LEMD1: variants seen among roughly 807,000 people sequenced by gnomAD.
The protein encoded by LEMD1 is LEM domain-containing protein 1.
A neutral mutation model predicts 17.4 loss-of-function variants in LEMD1; 18 were observed. That is an observed-to-expected ratio of 1.04 (90% CI 0.72 to 1.54). LEMD1 has a LOEUF of 1.54. Among genes scored for constraint, LEMD1 ranks in the 40% most tolerant of loss-of-function variants. The pLI is 0.00. For synonymous variants in LEMD1, 88 were observed against 77.8 expected (o/e 1.13, Z -0.69); for missense variants, 195 against 210.4 (o/e 0.93, Z 0.45).
intron 4 of LEMD1, among the ~76,000 whole-genome samples, chr1:205,391,578 A>G (rs1349203563): frequency 1.3e-5 from 2 of 152,160 alleles, no homozygotes; most frequent in East Asian, 3.9e-4. Flanking sequence ...AGAAGCCTGG[A>G]CTTTCACCTC....
At chr1:205,392,229 T>G (rs1664377481) in intron 4 of LEMD1, among the ~76,000 whole-genome samples, 1 of 152,158 alleles carries the variant, frequency 6.6e-6, no homozygotes, top group Non-Finnish European at 1.5e-5. Flanking sequence ...GCAGCTGTCA[T>G]AAAATGTTTC....
At chr1:205,447,795 C>T (rs1419292273) in intron 1 of LEMD1, among the ~76,000 whole-genome samples, 1 of 152,180 alleles carries the variant, frequency 6.6e-6, no homozygotes, top group African/African-American at 2.4e-5. Flanking sequence ...CAGACACCTC[C>T]TCTTCCCTCG....
At chr1:205,389,455 T>C (rs370429718) in intron 4 of LEMD1, among the ~76,000 whole-genome samples, 2 of 152,304 alleles carry the variant, frequency 1.3e-5, no homozygotes, top group African/African-American at 4.8e-5. Flanking sequence ...ATTTACCGTG[T>C]AGGCTTGAAG....
intron 4 of LEMD1, among the ~76,000 whole-genome samples, chr1:205,401,976 T>C (rs1664874148): frequency 6.6e-6 from 1 of 152,212 alleles, no homozygotes; most frequent in East Asian, 1.9e-4. Context: ...TCCCCATTGC[T>C]TGTTTTTCTC....
chr1:205,438,518 G>A (rs1666243507), intron 1 of LEMD1, among the ~76,000 whole-genome samples: 1 of 152,220 alleles, frequency 6.6e-6, no homozygotes, highest in African/African-American at 2.4e-5. Flanking sequence ...GGAGGGCACA[G>A]GTGTCCAGAC....
intron 4 of LEMD1, among the ~76,000 whole-genome samples, chr1:205,393,682 A>G (rs1159121465): frequency 3.9e-5 from 6 of 152,084 alleles, no homozygotes; most frequent in African/African-American, 1.4e-4. Flanking sequence ...TCTTAAAAAA[A>G]AAAAAAGGAA....
intron 4 of LEMD1, among the ~76,000 whole-genome samples, chr1:205,415,050 A>C (rs1462758011): frequency 6.6e-6 from 1 of 152,114 alleles, no homozygotes; most frequent in Non-Finnish European, 1.5e-5. Flanking sequence ...CAAGGCTTTG[A>C]GCCTGGACAG....
intron 4 of LEMD1, among the ~76,000 whole-genome samples, chr1:205,412,812 G>A (rs1338624): frequency 0.56 from 85,312 of 152,024 alleles, 27,497 homozygotes; most frequent in East Asian, 0.89. Flanking sequence ...AAATATCGAT[G>A]TGGTTTTATT....
At chr1:205,395,955 T>C (rs1450067562) in intron 4 of LEMD1, among the ~76,000 whole-genome samples, 1 of 151,716 alleles carries the variant, frequency 6.6e-6, no homozygotes, top group African/African-American at 2.4e-5. Context: ...CCCACCACAC[T>C]GACAAAAATA....
intron 1 of LEMD1, among the ~76,000 whole-genome samples, chr1:205,444,044 C>T (rs1280544511): frequency 2.6e-5 from 4 of 152,112 alleles, no homozygotes; most frequent in African/African-American, 4.8e-5. Context: ...CCCCTTGCTG[C>T]GTCTATTTGA....
At chr1:205,404,469 T>G (rs1270745750) in intron 4 of LEMD1, among the ~76,000 whole-genome samples, 2 of 152,210 alleles carry the variant, frequency 1.3e-5, no homozygotes, top group Admixed American at 6.5e-5. Flanking sequence ...GCCTTCTTTG[T>G]CTCTTTTGAT....
chr1:205,411,422 G>A (rs1159696453), intron 4 of LEMD1, among the ~76,000 whole-genome samples: 1 of 151,962 alleles, frequency 6.6e-6, no homozygotes, highest in Non-Finnish European at 1.5e-5. Context: ...GGGCGTGGTG[G>A]CGGGCGCATG....
intron 1 of LEMD1, among the ~76,000 whole-genome samples, chr1:205,421,311 C>A (rs1488483447): frequency 6.6e-6 from 1 of 152,160 alleles, no homozygotes; most frequent in Non-Finnish European, 1.5e-5. Context: ...ATAACAAAAT[C>A]CGCAAAAAGA....
intron 1 of LEMD1, chr1:205,437,409 CAG>C (rs772648160): frequency 6.6e-6 from 1 of 152,288 alleles, no homozygotes; most frequent in Admixed American, 6.5e-5. Flanking sequence ...GACCTGGAGT[CAG>C]AGTCTAGGCC....
In LEMD1 at chr1:205,448,975, C is replaced by T. The variant is rs1272127924; in HGVS notation, c.-39+893G>A. Reference sequence around the variant, plus strand: ...GCTGGGCCAACCTACCCAGACCAGTCTGGGTGGTTACCGACAACACCCATT... The same window carrying T: ...GCTGGGCCAACCTACCCAGACCAGTTTGGGTGGTTACCGACAACACCCATT... On this transcript the variant is annotated intron_variant, in intron 1 of 3. Transcript: ENST00000367154. This position sits in a 1 kb window ranked among gnomAD's most constrained non-coding sequence, Gnocchi z 4.7. Among the ~76,000 whole-genome samples the T allele has an allele frequency of 1.3e-5, 2 of 152,118 alleles. No homozygotes were observed. Among genetic ancestry groups the T allele is most frequent in the Non-Finnish European group, 2.9e-5 (2 of 68,018 alleles).
intron 4 of LEMD1, among the ~76,000 whole-genome samples, chr1:205,389,964 A>AT (rs1664250718): frequency 6.6e-6 from 1 of 152,212 alleles, no homozygotes; most frequent in South Asian, 2.1e-4. Context: ...CCAAGTAATG[A>AT]TTTTGAATTA....
At chr1:205,408,969 C>G (rs1033829172) in intron 4 of LEMD1, among the ~76,000 whole-genome samples, 1 of 152,038 alleles carries the variant, frequency 6.6e-6, no homozygotes. Flanking sequence ...TGTCAAGTAG[C>G]TGAGACCACA....
intron 4 of LEMD1, among the ~76,000 whole-genome samples, chr1:205,399,803 G>A (rs971664863): frequency 6.6e-6 from 1 of 152,160 alleles, no homozygotes; most frequent in Non-Finnish European, 1.5e-5. Context: ...GAATGAATGA[G>A]TGAGTGAGTG....
At chr1:205,413,334 C>T (rs1665537434) in intron 4 of LEMD1, among the ~76,000 whole-genome samples, 1 of 152,058 alleles carries the variant, frequency 6.6e-6, no homozygotes, top group Admixed American at 6.6e-5. Flanking sequence ...GTCACCCAGG[C>T]TAGAGTGCAG....
Sources: gnomAD v4.1 joint callset for allele counts (sites outside exome capture counted in the v4.1 genomes callset) on GRCh38, gnomAD v4.1.1 for gene constraint, Gnocchi (gnomAD v3.1) non-coding constraint, MANE v1.5 for transcripts, NCBI Gene and HGNC (gene_info 2026-07-23, HGNC 2026-07-21) for gene names.